Variants in PCNX1 observed in about 807,000 individuals in gnomAD.
PCNX1 encodes pecanex-like protein 1.
Under a neutral mutation model 242.2 loss-of-function variants are expected in PCNX1, and 78 were observed. The ratio of observed to expected loss-of-function variants is 0.32; its 90% CI spans 0.27 to 0.39. PCNX1 has a LOEUF of 0.39. Among genes scored for constraint, PCNX1 ranks in the 10% least tolerant of loss-of-function variants. PCNX1 has a pLI of 1.00. For synonymous variants in PCNX1, 1,024 were observed against 1,032.9 expected, an observed-to-expected ratio of 0.99 and a Z score of 0.17; for missense variants, 2,581 against 2,856.5, an observed-to-expected ratio of 0.90 and a Z score of 2.20.
At chr14:71,053,971 A>T (rs12891245) in intron 24 of PCNX1, among the ~76,000 whole-genome samples, 8,469 of 151,984 alleles carry the variant, frequency 0.056, 337 homozygotes, top group Admixed American at 0.12. Context: ...AAAAAAATTC[A>T]CCTTCACTCA....
intron 28 of PCNX1, among the ~76,000 whole-genome samples, chr14:71,084,718 G>A (rs1030494693): frequency 6.6e-6 from 1 of 152,192 alleles, no homozygotes; most frequent in Non-Finnish European, 1.5e-5. Flanking sequence ...GAGCATCCCA[G>A]GTCAACTTCA....
chr14:70,953,006 G>A (rs530377565), intron 2 of PCNX1, among the ~76,000 whole-genome samples: 44 of 152,296 alleles, frequency 2.9e-4, no homozygotes, highest in African/African-American at 9.9e-4. Context: ...GGTGGCTCCT[G>A]CCTGTAATCC....
At chr14:70,908,082 T>C (rs2055644919) in intron 1 of PCNX1, 79 bp downstream of exon 1, 2 of 1,348,632 alleles carry the variant, frequency 1.5e-6, no homozygotes, top group Non-Finnish European at 2.0e-6. Context: ...CCTCTTCCTC[T>C]TCCACGGGGT....
intron 1 of PCNX1, among the ~76,000 whole-genome samples, chr14:70,932,348 A>T (rs2056833661): frequency 6.6e-6 from 1 of 152,148 alleles, no homozygotes; most frequent in Non-Finnish European, 1.5e-5. Context: ...ATGTGAAGAA[A>T]TGTAAACTTC....
chr14:71,005,248 A>G (rs2059620035), intron 8 of PCNX1, among the ~76,000 whole-genome samples: 1 of 152,174 alleles, frequency 6.6e-6, no homozygotes, highest in Admixed American at 6.5e-5. Flanking sequence ...AACACCTGTA[A>G]TTCCAGCACG....
At chr14:71,052,144 A>G in intron 24 of PCNX1, 132 bp downstream of exon 24, 1 of 655,418 alleles carries the variant, frequency 1.5e-6, no homozygotes. Context: ...AAAACTTAAT[A>G]AATAGTCTTA....
rs368056977 is a variant in PCNX1, at chr14:70,980,437, A to G, written c.2311+1789A>G. On this transcript the variant is annotated intron_variant, in intron 6 of 35. Transcript: ENST00000304743. ...GAAATAAAAATATCTGCTTTGGTGGAAGAAATGTAATAGTCTGTGGGCTGT... is the reference window on the plus strand; with the variant it reads ...GAAATAAAAATATCTGCTTTGGTGGGAGAAATGTAATAGTCTGTGGGCTGT... Among the ~76,000 whole-genome samples the G allele has an allele frequency of 3.3e-5, 5 of 152,224 alleles. No homozygotes were observed. In the East Asian group the frequency reaches 9.6e-4, roughly 29 times the overall value.
At chr14:71,065,623 G>T (rs886575462) in intron 26 of PCNX1, among the ~76,000 whole-genome samples, 1 of 151,832 alleles carries the variant, frequency 6.6e-6, no homozygotes, top group African/African-American at 2.4e-5. Flanking sequence ...CTTTAGTTTA[G>T]ATCCCATTTG....
At chr14:70,953,049 C>T (rs1376704254) in intron 2 of PCNX1, among the ~76,000 whole-genome samples, 1 of 152,154 alleles carries the variant, frequency 6.6e-6, no homozygotes, top group Non-Finnish European at 1.5e-5. Flanking sequence ...GGGAGGACAG[C>T]TTGAAGCCAG....
In PCNX1 at chr14:70,980,702, A is replaced by G. The variant is rs141486374; in HGVS notation, c.2311+2054A>G. On this transcript the variant is annotated intron_variant, in intron 6 of 35. Transcript: ENST00000304743. ...TTCTTATTATTTAAAAATTACAGAGACTCTCAAATACTGTTTAAAGATACT... is the reference window on the plus strand; with the variant it reads ...TTCTTATTATTTAAAAATTACAGAGGCTCTCAAATACTGTTTAAAGATACT... Among the ~76,000 whole-genome samples the G allele has an allele frequency of 2.6e-4, 39 of 151,530 alleles. No homozygotes were observed. The East Asian group carries it at 7.6e-3, about 30-fold the overall frequency.
intron 16 of PCNX1, 117 bp from the exon 17 acceptor site, chr14:71,033,312 T>TA: frequency 8.7e-6 from 5 of 573,322 alleles, no homozygotes; most frequent in Non-Finnish European, 1.2e-5. Flanking sequence ...ATAACGTGGC[T>TA]AAAAACTTTT....
chr14:71,102,743 T>C (rs1344391831), intron 31 of PCNX1, among the ~76,000 whole-genome samples: 1 of 152,178 alleles, frequency 6.6e-6, no homozygotes, highest in African/African-American at 2.4e-5. Flanking sequence ...TTTTGGTTAT[T>C]TCAGTTTTGA....
chr14:70,943,317 T>C (rs1482070424), intron 1 of PCNX1, among the ~76,000 whole-genome samples: 1 of 152,190 alleles, frequency 6.6e-6, no homozygotes, highest in Non-Finnish European at 1.5e-5. Flanking sequence ...GTTGAATGGC[T>C]TTGACCAAAA....
At position 71,047,864 on chromosome 14, in the gene PCNX1, C is replaced by T. The variant is rs1275584880; in HGVS notation, c.4218C>T (p.Ser1406=). 7 of 1,612,810 alleles carry T rather than the reference C, an allele frequency of 4.3e-6. No individual in the cohort carries two copies. The change falls in exon 22 of 36, where the codon AGC becomes AGT. Residue 1406 remains serine, a synonymous_variant. Coordinates refer to ENST00000304743, the MANE Select transcript of PCNX1 (RefSeq NM_014982.3). ...AGLKLLRSSF[S]SPTYQYVTVI... is the part of the protein sequence containing the mutation. Reference sequence around the variant, plus strand: ...TGAAGTTGCTACGATCCTCTTTTAGCAGCCCTACATATCAGTATGTTACAG... The same window carrying T: ...TGAAGTTGCTACGATCCTCTTTTAGTAGCCCTACATATCAGTATGTTACAG...
chr14:71,048,044 C>T (rs2060914079), intron 22 of PCNX1, 60 bp downstream of exon 22: 3 of 1,222,514 alleles, frequency 2.5e-6, no homozygotes, highest in Non-Finnish European at 3.4e-6. Flanking sequence ...GGGTTATATG[C>T]TAGTCAGAAT....
rs750693171 is a variant in PCNX1, at chr14:71,076,247, C to G, written c.5165C>G (p.Thr1722Arg). ...SKLEEWLANETMQEGLRLCAD... is the reference protein window; with the variant it reads ...SKLEEWLANERMQEGLRLCAD... ...CTAGAGGAGTGGCTAGCTAATGAGACAATGCAGGAAGGACTTCGTCTGTGT... is the reference window on the plus strand; with the variant it reads ...CTAGAGGAGTGGCTAGCTAATGAGAGAATGCAGGAAGGACTTCGTCTGTGT... The change falls in exon 28 of 36, where the codon ACA (threonine) becomes AGA (arginine). Residue 1722 changes from threonine (T) to arginine (R), a missense_variant. Transcript: ENST00000304743. The G allele has an allele frequency of 2.5e-6, 4 of 1,613,582 alleles. No homozygotes were observed. The South Asian group carries it at 3.3e-5, about 13-fold the overall frequency.
chr14:71,011,602 AT>A, intron 10 of PCNX1, 53 bp downstream of exon 10: 2 of 1,056,992 alleles, frequency 1.9e-6, no homozygotes, highest in Non-Finnish European at 2.9e-6. Flanking sequence ...TAAATCTGAA[AT>A]ATGTATTTAC....
intron 30 of PCNX1, chr14:71,093,078 C>G (rs994626010): frequency 6.6e-6 from 1 of 152,072 alleles, no homozygotes. Flanking sequence ...ACCTTTAAGA[C>G]TCATTATACA....
rs1183787185 is a variant in PCNX1, at chr14:71,113,306, A to G, written c.*3371A>G. 2 of 152,650 alleles carry G rather than the reference A, an allele frequency of 1.3e-5. No individual in the cohort carries two copies. 9.5% of individuals were successfully genotyped at this position (152,650 alleles called of 1,614,324 possible). A position where few individuals can be genotyped will look rare whatever the true frequency, so the allele number is the denominator to read the frequency against. On this transcript the variant is annotated 3_prime_UTR_variant, in exon 36 of 36. Transcript: ENST00000304743. Reference sequence around the variant, plus strand: ...ATATCTGAACTACTTATAATTCTTAAAACAGAAGTAGTCAGACAATATTTG... The same window carrying G: ...ATATCTGAACTACTTATAATTCTTAGAACAGAAGTAGTCAGACAATATTTG...
Sources: allele counts gnomAD v4.1 joint callset (sites outside exome capture counted in the v4.1 genomes callset), GRCh38; gene constraint gnomAD v4.1.1; transcripts MANE v1.5; gene names NCBI Gene and HGNC (gene_info 2026-07-23, HGNC 2026-07-21).